ARHGAP6: variants seen among roughly 807,000 people sequenced by gnomAD.
ARHGAP6 encodes the protein Rho GTPase activating protein 6, also known as rho GTPase-activating protein 6.
In ARHGAP6, 16 loss-of-function variants were observed where a neutral mutation model predicts 55.7. The observed-to-expected ratio is 0.29, with a 90% CI of 0.19 to 0.44. ARHGAP6 has a LOEUF of 0.44. Ranked by LOEUF, ARHGAP6 falls within the 20% of genes least tolerant of loss-of-function variation. The pLI is 1.00. For missense variants in ARHGAP6, 698 were observed against 808.9 expected, an observed-to-expected ratio of 0.86 and a Z score of 1.66; for synonymous variants, 382 against 360.9, an observed-to-expected ratio of 1.06 and a Z score of -0.66.
chrX:11,211,323 G>A (rs1365379825), intron 2 of ARHGAP6, among the ~76,000 whole-genome samples: 5 of 104,665 alleles, frequency 4.8e-5, no homozygotes, highest in Admixed American at 2.1e-4. Context: ...CTGGGTTCAC[G>A]CCATTCTCCT....
At chrX:11,264,962 C>T (rs1413611367) in intron 1 of ARHGAP6, among the ~76,000 whole-genome samples, 1 of 112,359 alleles carries the variant, frequency 8.9e-6, no homozygotes, top group African/African-American at 3.2e-5. Flanking sequence ...AATTAAGTGG[C>T]AGAGTTAGGA....
chrX:11,304,089 C>T (rs763628888), intron 1 of ARHGAP6, among the ~76,000 whole-genome samples: 3 of 109,909 alleles, frequency 2.7e-5, no homozygotes, highest in African/African-American at 3.3e-5. Flanking sequence ...AAGTACATCA[C>T]GTTTGTCTTT....
At chrX:11,617,503 G>C (rs970817403) in intron 1 of ARHGAP6, among the ~76,000 whole-genome samples, 35 of 111,761 alleles carry the variant, frequency 3.1e-4, no homozygotes, top group African/African-American at 1.0e-3. Context: ...CTAAACCTTT[G>C]ATTGTGTTAC....
At chrX:11,522,862 G>A (rs1211981092) in intron 1 of ARHGAP6, among the ~76,000 whole-genome samples, 2 of 111,664 alleles carry the variant, frequency 1.8e-5, no homozygotes, top group Non-Finnish European at 3.8e-5. Context: ...AGAAAAACAG[G>A]GAATCCTCCC....
chrX:11,206,606 A>G (rs1182582158), intron 2 of ARHGAP6, among the ~76,000 whole-genome samples: 2 of 111,569 alleles, frequency 1.8e-5, no homozygotes, highest in Non-Finnish European at 3.8e-5. Context: ...TTTTATATTG[A>G]TTATATTACT....
chrX:11,223,020 T>C, intron 2 of ARHGAP6: 1 of 116,977 alleles, frequency 8.5e-6, no homozygotes, highest in South Asian at 3.2e-4. Context: ...CTTACTTTTT[T>C]GAAACGATCT....
Position 11,359,546 on chromosome X carries a change from T to C in ARHGAP6, c.589-104839A>G. Among the ~76,000 whole-genome samples, 5 of 112,061 alleles carry C rather than the reference T, an allele frequency of 4.5e-5. 1 individual carries two copies. The Admixed American group carries it at 4.7e-4, about 11-fold the overall frequency. On this transcript the variant is annotated intron_variant, in intron 1 of 12. Transcript: ENST00000337414. ...AAATGTGTATCAGTACCAAACCTCC[T>C]ATCACCATATTCCAATGTATTCAAA...
intron 1 of ARHGAP6, among the ~76,000 whole-genome samples, chrX:11,432,086 T>TG (rs760206876): frequency 8.9e-6 from 1 of 111,926 alleles, no homozygotes; most frequent in South Asian, 3.8e-4. Flanking sequence ...CCCCAGGGAG[T>TG]GGGGAAAGGC....
chrX:11,665,332 G>C lies in ARHGAP6; in HGVS notation c.-504C>G, dbSNP rs1025814204. The stretch of plus-strand genomic sequence containing the variant: ...CGTGCGCCCAGGGCGCGTCCACCGC[G>C]CTCCCGGCGCCGCGAGAACTTCCTC... On this transcript the variant is annotated 5_prime_UTR_variant, in exon 1 of 13. Coordinates refer to ENST00000337414, the MANE Select transcript of ARHGAP6 (RefSeq NM_013427.3). 8.8e-6 allele frequency: 1 copy of C among 113,585 alleles called. No individual in the cohort carries two copies. Among genetic ancestry groups the C allele is most frequent in the African/African-American group, 3.2e-5 (1 of 31,200 alleles). 9.4% of individuals were successfully genotyped at this position (113,585 alleles called of 1,213,427 possible). A position where few individuals can be genotyped will look rare whatever the true frequency, so the allele number is the denominator to read the frequency against.
intron 1 of ARHGAP6, among the ~76,000 whole-genome samples, chrX:11,498,850 T>C (rs753579324): frequency 7.1e-5 from 8 of 112,542 alleles, no homozygotes; most frequent in Admixed American, 9.4e-5. Context: ...ATCCTGTCCA[T>C]GTTTTGAAAC....
rs139739385 is a variant in ARHGAP6, at chrX:11,229,382, T to C, written c.748+25166A>G. Among the ~76,000 whole-genome samples, 8 of 112,363 alleles carry C rather than the reference T, an allele frequency of 7.1e-5. No individual in the cohort carries two copies. In the East Asian group the frequency reaches 2.2e-3, roughly 31 times the overall value. On this transcript the variant is annotated intron_variant, in intron 2 of 12. Coordinates refer to ENST00000337414, the MANE Select transcript of ARHGAP6 (RefSeq NM_013427.3). ...AGACATCAAAATGCCATTTAGTTTG[T>C]TTTGGTCCACCATTCAATGATACCA...
intron 1 of ARHGAP6, among the ~76,000 whole-genome samples, chrX:11,256,621 G>A (rs2047497673): frequency 9.0e-6 from 1 of 111,455 alleles, no homozygotes; most frequent in Non-Finnish European, 1.9e-5. Flanking sequence ...GGCAGAAAAT[G>A]AACGGGGTAA....
intron 5 of ARHGAP6, among the ~76,000 whole-genome samples, chrX:11,182,456 C>T (rs2046326592): frequency 9.0e-6 from 1 of 111,343 alleles, no homozygotes; most frequent in Non-Finnish European, 1.9e-5. Flanking sequence ...GATTCTAACT[C>T]TTTATTAATT....
intron 1 of ARHGAP6, among the ~76,000 whole-genome samples, chrX:11,493,518 G>A (rs58852339): frequency 0.082 from 9,101 of 111,338 alleles, 410 homozygotes; most frequent in East Asian, 0.18. Context: ...AGTGGTGGTA[G>A]GTGTCCATTG....
intron 1 of ARHGAP6, among the ~76,000 whole-genome samples, chrX:11,503,275 G>C (rs927390273): frequency 4.5e-5 from 5 of 111,418 alleles, no homozygotes; most frequent in Non-Finnish European, 7.5e-5. Context: ...TTACAAATAA[G>C]ACTTGTGAAG....
chrX:11,276,067 T>G (rs911248935), intron 1 of ARHGAP6, among the ~76,000 whole-genome samples: 7 of 111,713 alleles, frequency 6.3e-5, no homozygotes, highest in Non-Finnish European at 9.4e-5. Flanking sequence ...CCAAATGACC[T>G]AGACACTTGA....
chrX:11,144,816 A>G, intron 10 of ARHGAP6, among the ~76,000 whole-genome samples: 1 of 112,298 alleles, frequency 8.9e-6, no homozygotes, highest in Non-Finnish European at 1.9e-5. Context: ...CGGTGGGAAT[A>G]AGTGTTTCAT....
Position 11,204,022 on chromosome X carries a change from A to G in ARHGAP6, c.749-7026T>C, listed in dbSNP as rs148120639. On this transcript the variant is annotated intron_variant, in intron 2 of 12. Coordinates refer to ENST00000337414, the MANE Select transcript of ARHGAP6 (RefSeq NM_013427.3). ...AAGACCCTGATGATGCTCAGTGTCT[A>G]ATGCAGTGTACACATTCTAACTCTG... Among the ~76,000 whole-genome samples the G allele has an allele frequency of 0.01, 1,160 of 112,167 alleles. 8 individuals carry two copies. The Middle Eastern group carries it at 0.12, about 12-fold the overall frequency.
intron 1 of ARHGAP6, among the ~76,000 whole-genome samples, chrX:11,432,156 G>T (rs755530642): frequency 9.8e-5 from 11 of 112,397 alleles, no homozygotes; most frequent in African/African-American, 2.9e-4. Flanking sequence ...ATAAATATTA[G>T]AGCTTAGTGT....
Sources: allele counts gnomAD v4.1 joint callset (sites outside exome capture counted in the v4.1 genomes callset), GRCh38; gene constraint gnomAD v4.1.1; transcripts MANE v1.5; gene names NCBI Gene and HGNC (gene_info 2026-07-23, HGNC 2026-07-21).